PCSK2: variants seen among roughly 807,000 people sequenced by gnomAD.
The protein encoded by PCSK2 is neuroendocrine convertase 2.
Under a neutral mutation model 69.7 loss-of-function variants are expected in PCSK2, and 14 were observed. The observed-to-expected ratio is 0.20, with a 90% CI of 0.13 to 0.31. The LOEUF (loss-of-function observed/expected upper bound fraction) is 0.31. PCSK2 is among the 10% of genes least tolerant of loss of function. The probability of loss-of-function intolerance (pLI) is 1.00; values close to 1 mark genes in which losing one functional copy is unlikely to be tolerated. For synonymous variants in PCSK2, 307 were observed against 320.7 expected, an observed-to-expected ratio of 0.96 and a Z score of 0.46; for missense variants, 544 against 842.5, an observed-to-expected ratio of 0.65 and a Z score of 4.39.
intron 2 of PCSK2, among the ~76,000 whole-genome samples, chr20:17,341,196 C>T (rs1441514977): frequency 6.6e-6 from 1 of 152,148 alleles, no homozygotes; most frequent in East Asian, 1.9e-4. Flanking sequence ...GCCAAGACCG[C>T]ACCACCGTAC....
rs943807186 is a variant in PCSK2, at chr20:17,397,363, C to A, written c.544-11900C>A. ...AGCAGGAGTCAAAAATAATTCAGAC[C>A]GTAATATTCATCAAAACTTGTTTAA... is the stretch of plus-strand genomic sequence containing the variant. On this transcript the variant is annotated intron_variant, in intron 5 of 11. Coordinates refer to ENST00000262545, the MANE Select transcript of PCSK2 (RefSeq NM_002594.5). Among the ~76,000 whole-genome samples, 3 of 152,006 alleles carry A rather than the reference C, an allele frequency of 2.0e-5. No individual in the cohort carries two copies. The South Asian group carries it at 6.2e-4, about 32-fold the overall frequency.
chr20:17,268,760 G>C (rs1376734348), intron 2 of PCSK2, among the ~76,000 whole-genome samples: 2 of 152,204 alleles, frequency 1.3e-5, no homozygotes. Context: ...CAATGGGGTA[G>C]AGGTATGGAT....
At chr20:17,278,766 A>G (rs960963527) in intron 2 of PCSK2, among the ~76,000 whole-genome samples, 19 of 152,064 alleles carry the variant, frequency 1.2e-4, no homozygotes, top group Admixed American at 8.5e-4. Flanking sequence ...TGTAACCCCA[A>G]CACTTTGGGA....
rs67695913 is a variant in PCSK2 at position 17,287,431 on chromosome 20, C to CTGTGTGTGTGTGTGTG, written c.282+27105_282+27120dup. Among the ~76,000 whole-genome samples the CTGTGTGTGTGTGTGTG allele has an allele frequency of 9.7e-3, 1,416 of 145,996 alleles. 21 individuals are homozygous for CTGTGTGTGTGTGTGTG. The highest frequency in any genetic ancestry group is 0.026 in the African/African-American group (1,028 of 39,306). The stretch of plus-strand genomic sequence containing the variant: ...GGATCTTGCACCAGCATGTGCGTGT[C>CTGTGTGTGTGTGTGTG]TGTGTGTGTGTGTGTGTGTGTGTGT... On this transcript the variant is annotated intron_variant, in intron 2 of 11. Transcript: ENST00000262545.
At chr20:17,422,207 A>G (rs1371723158) in intron 6 of PCSK2, among the ~76,000 whole-genome samples, 1 of 152,224 alleles carries the variant, frequency 6.6e-6, no homozygotes, top group Non-Finnish European at 1.5e-5. Flanking sequence ...TGAAGATAAC[A>G]GCCTGTTTAT....
At chr20:17,325,868 C>T (rs1415911572) in intron 2 of PCSK2, among the ~76,000 whole-genome samples, 1 of 152,152 alleles carries the variant, frequency 6.6e-6, no homozygotes, top group African/African-American at 2.4e-5. Flanking sequence ...GCATGTTCTT[C>T]TCAAGCCACC....
intron 9 of PCSK2, among the ~76,000 whole-genome samples, chr20:17,454,409 G>A (rs958898634): frequency 3.9e-5 from 6 of 152,076 alleles, no homozygotes; most frequent in Non-Finnish European, 5.9e-5. Flanking sequence ...CATAAACCCC[G>A]TAAAATTGCA....
chr20:17,417,437 A>G (rs550323796), intron 6 of PCSK2, among the ~76,000 whole-genome samples: 16 of 152,358 alleles, frequency 1.1e-4, no homozygotes, highest in Non-Finnish European at 2.1e-4. Context: ...CAGAGTGTCC[A>G]CTTTGACCAG....
At chr20:17,426,070 A>C (rs917649777) in intron 6 of PCSK2, among the ~76,000 whole-genome samples, 1 of 152,158 alleles carries the variant, frequency 6.6e-6, no homozygotes, top group African/African-American at 2.4e-5. Context: ...TTGAATGGTG[A>C]TATGGTTTGA....
At chr20:17,327,700 C>T (rs1990104785) in intron 2 of PCSK2, among the ~76,000 whole-genome samples, 1 of 152,202 alleles carries the variant, frequency 6.6e-6, no homozygotes. Context: ...TTTCTGCTTC[C>T]TCGAATTTTA....
intron 2 of PCSK2, among the ~76,000 whole-genome samples, chr20:17,348,259 T>C (rs537721265): frequency 6.6e-6 from 1 of 152,326 alleles, no homozygotes; most frequent in East Asian, 1.9e-4. Context: ...ATTTGCTTTG[T>C]CTTCAGTTAG....
Position 17,453,968 on chromosome 20 carries a change from C to T in PCSK2, c.1101+11C>T. 6.2e-7 allele frequency: 1 copy of T among 1,614,006 alleles called. No individual in the cohort carries two copies. The highest frequency in any genetic ancestry group is 8.5e-7 in the Non-Finnish European group (1 of 1,179,988). On this transcript the variant is annotated intron_variant, in intron 9 of 11. Transcript: ENST00000262545. The surrounding 1 kb of genome is among the most constrained non-coding windows in gnomAD (Gnocchi z 4.0). ...CCCGAGGCCGGTGTGGTGAGCACGT[C>T]CCCTTCTGTCCTTGTTTCCTTAGGG...
At chr20:17,378,856 T>C in intron 5 of PCSK2, among the ~76,000 whole-genome samples, 1 of 152,204 alleles carries the variant, frequency 6.6e-6, no homozygotes, top group East Asian at 1.9e-4. Context: ...TATAAGAAAA[T>C]TGAAAGATTA....
chr20:17,255,410 C>T (rs188964735), intron 1 of PCSK2, among the ~76,000 whole-genome samples: 132 of 151,652 alleles, frequency 8.7e-4, no homozygotes, highest in Middle Eastern at 3.4e-3. Flanking sequence ...GGCGCAATCT[C>T]GGCTCACTGC....
intron 6 of PCSK2, among the ~76,000 whole-genome samples, chr20:17,418,171 A>T (rs2032043809): frequency 6.6e-6 from 1 of 152,232 alleles, no homozygotes. Flanking sequence ...TTTTGCATGT[A>T]TTCATTCAAC....
chr20:17,455,799 C>T (rs1381348184), intron 9 of PCSK2, among the ~76,000 whole-genome samples: 1 of 152,254 alleles, frequency 6.6e-6, no homozygotes, highest in Non-Finnish European at 1.5e-5. Flanking sequence ...ACTCATTTAT[C>T]TTGTGGACAC....
intron 6 of PCSK2, among the ~76,000 whole-genome samples, chr20:17,419,253 G>A (rs1312609373): frequency 1.3e-5 from 2 of 152,198 alleles, no homozygotes; most frequent in African/African-American, 4.8e-5. Context: ...AGCTTGCCTT[G>A]TGCTCGATTT....
chr20:17,400,721 TA>T (rs1386080699), intron 5 of PCSK2, among the ~76,000 whole-genome samples: 1 of 152,188 alleles, frequency 6.6e-6, no homozygotes, highest in Non-Finnish European at 1.5e-5. Context: ...ACTCTATACT[TA>T]CCATCAAGTC....
At chr20:17,332,734 A>G (rs372970396) in intron 2 of PCSK2, among the ~76,000 whole-genome samples, 1 of 152,220 alleles carries the variant, frequency 6.6e-6, no homozygotes, top group African/African-American at 2.4e-5. Flanking sequence ...CTAGAAGAAC[A>G]CCAAGAAACT....
Sources: gnomAD v4.1 joint callset for allele counts (sites outside exome capture counted in the v4.1 genomes callset) on GRCh38, gnomAD v4.1.1 for gene constraint, Gnocchi (gnomAD v3.1) non-coding constraint, MANE v1.5 for transcripts, NCBI Gene and HGNC (gene_info 2026-07-23, HGNC 2026-07-21) for gene names.